Variants in CATSPER1 observed in about 807,000 individuals in gnomAD.
CATSPER1 encodes the protein cation channel sperm associated 1.
In CATSPER1, 57 loss-of-function variants were observed where a neutral mutation model predicts 72.7. That is an observed-to-expected ratio of 0.78 (90% CI 0.63 to 0.98). The LOEUF is 0.98. Among genes scored for constraint, CATSPER1 ranks in the 50% least tolerant of loss-of-function variants. The probability of loss-of-function intolerance (pLI) is 0.00; values close to 1 mark genes in which losing one functional copy is unlikely to be tolerated. For missense variants in CATSPER1, 910 were observed against 1,033.9 expected (o/e 0.88, Z 1.64); for synonymous variants, 363 against 403.0 (o/e 0.90, Z 1.19).
intron 2 of CATSPER1, 79 bp downstream of exon 2, chr11:66,022,770 C>G: frequency 7.0e-7 from 1 of 1,430,700 alleles, no homozygotes; most frequent in Non-Finnish European, 9.8e-7. Flanking sequence ...ATAAACCGCC[C>G]GGCACTGGAT....
intron 4 of CATSPER1, 107 bp from the exon 5 acceptor site, chr11:66,021,292 G>A: frequency 1.6e-6 from 2 of 1,244,864 alleles, no homozygotes; most frequent in Non-Finnish European, 2.3e-6. Context: ...CTGACTTGTT[G>A]GTGACTTGGG....
In CATSPER1 at chr11:66,017,186, CGGGGGGGT is replaced by C; in HGVS notation, c.2202-20_2202-13del. On this transcript the variant is annotated splice_polypyrimidine_tract_variant and intron_variant, in intron 10 of 11. Transcript: ENST00000312106. ...GGAGCTCCTGCTGCCTGCGGGTGGG[CGGGGGGGT>C]CGCAGAGACAGGGGCTGGGCTGACC... 3.9e-6 allele frequency: 1 copy of C among 258,976 alleles called. No homozygotes were observed. The allele number at this position is 258,976 out of a possible 1,614,324, so 16.0% of individuals were successfully genotyped here.
At position 66,026,070 on chromosome 11, in the gene CATSPER1, C is replaced by G. The variant is rs552868982; in HGVS notation, c.310G>C (p.Ala104Pro). 3 of 1,613,790 alleles carry G rather than the reference C, an allele frequency of 1.9e-6. No homozygotes were observed. In the African/African-American group the frequency reaches 4.0e-5, roughly 22 times the overall value. Residue 104 changes from alanine (A) to proline (P), a missense_variant, in exon 1 of 12, where the codon GCC becomes CCC. Transcript: ENST00000312106. ...TGFGLAPSQG[A>P]VPSHRSYGED... The stretch of plus-strand genomic sequence containing the variant: ...CCGTAGGAACGGTGGGAGGGGACGG[C>G]GCCTTGAGAGGGAGCCAGACCAAAG...
chr11:66,019,529 A>G (rs368587987), intron 9 of CATSPER1, among the ~76,000 whole-genome samples: 2 of 151,982 alleles, frequency 1.3e-5, no homozygotes, highest in Non-Finnish European at 2.9e-5. Flanking sequence ...CGCCCGTCTC[A>G]GCCTCCCAAA....
At position 66,025,567 on chromosome 11, in the gene CATSPER1, A is replaced by G. The variant is rs371489713; in HGVS notation, c.813T>C (p.Asp271=). 132 of 1,603,486 alleles carry G rather than the reference A, an allele frequency of 8.2e-5. 1 individual carries two copies. Among genetic ancestry groups the G allele is most frequent in the Middle Eastern group, 8.2e-4 (5 of 6,076 alleles). Residue 271 remains aspartate (D), a synonymous_variant, in exon 1 of 12, where the codon GAT becomes GAC. Coordinates refer to ENST00000312106, the MANE Select transcript of CATSPER1 (RefSeq NM_053054.4). ...SDYHSEYHQG[D]HHPSEYHHGD... is the part of the protein sequence containing the mutation. ...CATGGTGGTACTCACTGGGGTGGTG[A>G]TCACCTTGGTGGTACTCGCTGTGAT...
chr11:66,021,861 A>G lies in CATSPER1; in HGVS notation c.1448T>C (p.Leu483Ser), dbSNP rs1565071885. 4 of 1,613,988 alleles carry G rather than the reference A, an allele frequency of 2.5e-6. No individual in the cohort carries two copies. In the South Asian group the frequency reaches 4.4e-5, roughly 18 times the overall value. ...GTAGATGCAGAAGAATATGGAGTCC[A>G]AGGCCATGAAGTACCACTCTGCAGG... ...EIRGEWYFMA[L>S]DSIFFCIYVV... The change falls in exon 3 of 12, where the codon TTG becomes TCG. Residue 483 changes from leucine (L) to serine (S), a missense_variant. Physicochemically the swap from Leu to Ser is moderately radical, Grantham distance 145. Transcript: ENST00000312106.
chr11:66,017,177 G>T lies in CATSPER1; in HGVS notation c.2202-3C>A. The T allele has an allele frequency of 1.3e-6, 2 of 1,545,130 alleles. No homozygotes were observed. The highest frequency in any genetic ancestry group is 8.8e-7 in the Non-Finnish European group (1 of 1,136,746). On this transcript the variant is annotated splice_polypyrimidine_tract_variant and splice_region_variant and intron_variant, in intron 10 of 11. Transcript: ENST00000312106. ...AATGGAACAGGAGCTCCTGCTGCCT[G>T]CGGGTGGGCGGGGGGGTCGCAGAGA...
intron 1 of CATSPER1, 47 bp from the exon 2 acceptor site, chr11:66,023,108 C>G (rs754097242): frequency 1.3e-6 from 2 of 1,555,350 alleles, no homozygotes; most frequent in Middle Eastern, 1.8e-4. Flanking sequence ...AGAGGGGACA[C>G]GAGGTCCCAG....
intron 10 of CATSPER1, among the ~76,000 whole-genome samples, chr11:66,017,827 C>T (rs1856270251): frequency 6.6e-6 from 1 of 152,154 alleles, no homozygotes; most frequent in East Asian, 1.9e-4. Context: ...TTCTGAGGGG[C>T]CCAGAGGAGG....
Position 66,020,834 on chromosome 11 carries a change from A to G in CATSPER1, c.1904T>C (p.Ile635Thr). ...TLLTLDDWSLIYMDSRAQGAW... is the reference protein window; with the variant it reads ...TLLTLDDWSLTYMDSRAQGAW... ...ACCCTGGGCACGGCTGTCCATGTAG[A>G]TGAGGGACCAGTCATCCAGCGTGAG... Residue 635 changes from isoleucine to threonine, a missense_variant, in exon 6 of 12, where the codon ATC becomes ACC. Physicochemically the swap from Ile to Thr is moderately conservative, Grantham distance 89 (BLOSUM62 -1). Transcript: ENST00000312106. The surrounding 1 kb of genome is among the most constrained non-coding windows in gnomAD (Gnocchi z 4.5). 1 of 1,613,778 alleles carries G rather than the reference A, an allele frequency of 6.2e-7. No individual in the cohort carries two copies. The highest frequency in any genetic ancestry group is 1.1e-5 in the South Asian group (1 of 91,082).
chr11:66,021,049 GCAGCCCCTCAGGCCCCCACCC>G, intron 5 of CATSPER1, 24 bp downstream of exon 5: 2 of 1,587,010 alleles, frequency 1.3e-6, no homozygotes, highest in Non-Finnish European at 1.7e-6. Context: ...CCCTTTCACC[GCAGCCCCTCAGGCCCCCACCC>G]CAGCCCCTGC....
chr11:66,022,809 C>A (rs1485659601), intron 2 of CATSPER1, 40 bp downstream of exon 2: 3 of 1,601,834 alleles, frequency 1.9e-6, no homozygotes, highest in Non-Finnish European at 2.6e-6. Flanking sequence ...GGAAGAGCAT[C>A]GGTGGCTTCT....
chr11:66,020,835 T>C lies in CATSPER1; in HGVS notation c.1903A>G (p.Ile635Val). ...CCCTGGGCACGGCTGTCCATGTAGA[T>C]GAGGGACCAGTCATCCAGCGTGAGC... ...TLLTLDDWSLIYMDSRAQGAW... is the reference protein window; with the variant it reads ...TLLTLDDWSLVYMDSRAQGAW... Residue 635 changes from isoleucine (I) to valine (V), a missense_variant, in exon 6 of 12, where the codon ATC (isoleucine) becomes GTC (valine). By Grantham distance (29) the Ile-to-Val change is conservative. Coordinates refer to ENST00000312106, the MANE Select transcript of CATSPER1 (RefSeq NM_053054.4). The surrounding 1 kb of genome is among the most constrained non-coding windows in gnomAD (Gnocchi z 4.5). 6.2e-7 allele frequency: 1 copy of C among 1,613,718 alleles called. No individual in the cohort carries two copies. Among genetic ancestry groups the C allele is most frequent in the Non-Finnish European group, 8.5e-7 (1 of 1,179,978 alleles).
Position 66,024,271 on chromosome 11 carries a change from GTTTTTTTTTTT to G in CATSPER1, c.1216+882_1216+892del, listed in dbSNP as rs796751086. Among the ~76,000 whole-genome samples, 796 of 110,610 alleles carry G rather than the reference GTTTTTTTTTTT, an allele frequency of 7.2e-3. 11 individuals carry two copies. Among genetic ancestry groups the G allele is most frequent in the African/African-American group, 0.023 (643 of 27,392 alleles). 72.6% of individuals were successfully genotyped at this position (110,610 alleles called of 152,430 possible). A position where few individuals can be genotyped will look rare whatever the true frequency, so the allele number is the denominator to read the frequency against. On this transcript the variant is annotated intron_variant, in intron 1 of 11. Transcript: ENST00000312106. ...GTGAGCCATCGCACCCAGCCTATTT[GTTTTTTTTTTT>G]TTTTTTTTTTTTTCCTACGGAGTCT...
At chr11:66,022,656 CCTT>C (rs1414675678) in intron 2 of CATSPER1, among the ~76,000 whole-genome samples, 190 bp downstream of exon 2, 3 of 152,266 alleles carry the variant, frequency 2.0e-5, no homozygotes, top group African/African-American at 7.2e-5. Flanking sequence ...CCTAGCGGGT[CCTT>C]CTGTCTCGGG....
In CATSPER1 at chr11:66,020,869, G is replaced by C. The variant is rs762710454; in HGVS notation, c.1869C>G (p.Leu623=). The C allele has an allele frequency of 2.2e-5, 35 of 1,614,022 alleles. No homozygotes were observed. Among genetic ancestry groups the C allele is most frequent in the Non-Finnish European group, 2.9e-5 (34 of 1,180,032 alleles). Residue 623 remains leucine (L), a synonymous_variant, in exon 6 of 12, where the codon CTC becomes CTG. Coordinates refer to ENST00000312106, the MANE Select transcript of CATSPER1 (RefSeq NM_053054.4). This position sits in a 1 kb window ranked among gnomAD's most constrained non-coding sequence, Gnocchi z 4.5. ...AGTCATCCAGCGTGAGCAAGGTGAAGAGGGTGAAGATGGTGGTGAAGATGT... is the reference window on the plus strand; with the variant it reads ...AGTCATCCAGCGTGAGCAAGGTGAACAGGGTGAAGATGGTGGTGAAGATGT... ...FQNIFTTIFT[L]FTLLTLDDWS...
rs546845397 is a variant in CATSPER1 at position 66,016,925 on chromosome 11, G to T, written c.2317-9C>A. On this transcript the variant is annotated splice_polypyrimidine_tract_variant and intron_variant, in intron 11 of 11. Transcript: ENST00000312106. The stretch of plus-strand genomic sequence containing the variant: ...AAGTCCTCTTCTCCAGCCTGCAGGG[G>T]TGAGTGGGGCACTGGTGGGTGAATG... 1 of 1,614,106 alleles carries T rather than the reference G, an allele frequency of 6.2e-7. No homozygotes were observed. Among genetic ancestry groups the T allele is most frequent in the South Asian group, 1.1e-5 (1 of 91,084 alleles).
chr11:66,025,481 T>C lies in CATSPER1; in HGVS notation c.899A>G (p.His300Arg), dbSNP rs1359424751. ...YHQTHRHRDY[H>R]QHQDHHGAYH... Reference sequence around the variant, plus strand: ...CGCGCCGTGGTGGTCTTGGTGCTGATGGTAGTCTCGGTGCCGGTGGGTCTG... The same window carrying C: ...CGCGCCGTGGTGGTCTTGGTGCTGACGGTAGTCTCGGTGCCGGTGGGTCTG... Residue 300 changes from histidine (H) to arginine (R), a missense_variant, in exon 1 of 12, where the codon CAT (histidine) becomes CGT (arginine). Physicochemically the swap from His to Arg is conservative, Grantham distance 29 (BLOSUM62 0). Transcript: ENST00000312106. The C allele has an allele frequency of 5.0e-6, 8 of 1,611,874 alleles. No homozygotes were observed. The highest frequency in any genetic ancestry group is 4.4e-5 in the South Asian group (4 of 90,836).
In CATSPER1 at chr11:66,017,232, C is replaced by T. The variant is rs564708538; in HGVS notation, c.2202-58G>A. The T allele has an allele frequency of 6.4e-5, 86 of 1,336,632 alleles. No individual in the cohort carries two copies. The African/African-American group carries it at 1.0e-3, about 16-fold the overall frequency. The allele number at this position is 1,336,632 out of a possible 1,614,324, so 82.8% of individuals were successfully genotyped here. A position where few individuals can be genotyped will look rare whatever the true frequency, so the allele number is the denominator to read the frequency against. Reference sequence around the variant, plus strand: ...GGCTGGGCTGACCTGCTGGCTGGGCCTACTGCACCCCAGAACCACCCAGAG... The same window carrying T: ...GGCTGGGCTGACCTGCTGGCTGGGCTTACTGCACCCCAGAACCACCCAGAG... On this transcript the variant is annotated intron_variant, in intron 10 of 11. Transcript: ENST00000312106.
Sources: gnomAD v4.1 joint callset for allele counts (sites outside exome capture counted in the v4.1 genomes callset) on GRCh38, gnomAD v4.1.1 for gene constraint, Gnocchi (gnomAD v3.1) non-coding constraint, MANE v1.5 for transcripts, NCBI Gene and HGNC (gene_info 2026-07-23, HGNC 2026-07-21) for gene names.